PDE8B: variants seen among roughly 807,000 people sequenced by gnomAD.
PDE8B encodes the protein high affinity cAMP-specific and IBMX-insensitive 3',5'-cyclic phosphodiesterase 8B.
A neutral mutation model predicts 101.3 loss-of-function variants in PDE8B; 26 were observed. The ratio of observed to expected loss-of-function variants is 0.26; its 90% CI spans 0.19 to 0.36. The LOEUF is 0.36. Ranked by LOEUF, PDE8B falls within the 10% of genes least tolerant of loss-of-function variation. The probability of loss-of-function intolerance (pLI) is 1.00; values close to 1 mark genes in which losing one functional copy is unlikely to be tolerated. For missense variants in PDE8B, 810 were observed against 1,163.1 expected, an observed-to-expected ratio of 0.70 and a Z score of 4.42; for synonymous variants, 424 against 429.3, an observed-to-expected ratio of 0.99 and a Z score of 0.15.
At chr5:77,090,821 A>T in the PDE8B span, among the ~76,000 whole-genome samples, 1 of 152,128 alleles carries the variant, frequency 6.6e-6, no homozygotes. Flanking sequence ...GTTGATGGAC[A>T]CTTAGATTGT....
the PDE8B span, chr5:77,112,781 C>T: frequency 6.6e-6 from 1 of 152,176 alleles, no homozygotes; most frequent in East Asian, 1.9e-4. Flanking sequence ...TCATCTCAGC[C>T]CAAAATCTCC....
chr5:77,354,491 A>G (rs542318095), intron 10 of PDE8B, among the ~76,000 whole-genome samples: 1 of 152,320 alleles, frequency 6.6e-6, no homozygotes, highest in Middle Eastern at 3.4e-3. Context: ...AAAGGGTTCC[A>G]ACAGACATTT....
chr5:77,262,045 A>G (rs1335224563), intron 1 of PDE8B, among the ~76,000 whole-genome samples: 1 of 152,170 alleles, frequency 6.6e-6, no homozygotes, highest in Non-Finnish European at 1.5e-5. Context: ...GGATACTAAG[A>G]CTTAAAAATA....
chr5:77,233,654 C>CTGTGTGTGTG lies in PDE8B; in HGVS notation c.339+22427_339+22436dup, dbSNP rs72346580. ...TGACAGCCCCCAACCCCCTGAAGCT[C>CTGTGTGTGTG]TGTGTGTGTGTGTGTGTGTGTGTGT... On this transcript the variant is annotated intron_variant, in intron 1 of 21. Transcript: ENST00000264917. Among the ~76,000 whole-genome samples the CTGTGTGTGTG allele has an allele frequency of 5.2e-3, 714 of 138,322 alleles. 9 individuals are homozygous for CTGTGTGTGTG. Among genetic ancestry groups the CTGTGTGTGTG allele is most frequent in the East Asian group, 0.035 (154 of 4,384 alleles). The allele number at this position is 138,322 out of a possible 152,430, so 90.7% of individuals were successfully genotyped here.
At chr5:77,257,783 C>T (rs555521914) in intron 1 of PDE8B, among the ~76,000 whole-genome samples, 5 of 152,074 alleles carry the variant, frequency 3.3e-5, no homozygotes, top group African/African-American at 7.2e-5. Flanking sequence ...TTATTAAGCC[C>T]GGCATGCATT....
intron 10 of PDE8B, among the ~76,000 whole-genome samples, chr5:77,366,897 C>G (rs1027191691): frequency 1.3e-5 from 2 of 152,094 alleles, no homozygotes; most frequent in Non-Finnish European, 2.9e-5. Context: ...ATCAAGGGCG[C>G]TTTGGTCCAG....
At chr5:77,411,771 C>T (rs747251688) in intron 15 of PDE8B, 50 bp downstream of exon 15, 1 of 1,345,768 alleles carries the variant, frequency 7.4e-7, no homozygotes, top group Non-Finnish European at 1.1e-6. Flanking sequence ...CCAGCCTGTG[C>T]TGTCCCCGCT....
chr5:77,283,162 T>C (rs916006598), intron 1 of PDE8B, among the ~76,000 whole-genome samples: 4 of 152,194 alleles, frequency 2.6e-5, no homozygotes, highest in East Asian at 1.9e-4. Context: ...AAAAATAGAC[T>C]TAATTTTTTT....
At chr5:77,260,048 C>T (rs1222466548) in intron 1 of PDE8B, among the ~76,000 whole-genome samples, 1 of 151,216 alleles carries the variant, frequency 6.6e-6, no homozygotes, top group Non-Finnish European at 1.5e-5. Context: ...CCTATAATCC[C>T]AGCTACTTGG....
At chr5:77,107,241 T>A in the PDE8B span, among the ~76,000 whole-genome samples, 1 of 152,224 alleles carries the variant, frequency 6.6e-6, no homozygotes, top group Non-Finnish European at 1.5e-5. Context: ...TCATCCTTTT[T>A]TATGGCTGCA....
Position 77,427,317 on chromosome 5 carries a change from T to C in PDE8B, c.*763T>C, listed in dbSNP as rs1352527937. The stretch of plus-strand genomic sequence containing the variant: ...GGAATCCATGAGCTTCCTTTATTTC[T>C]GGCTCACAGAGGCAGCCACGAGGCA... On this transcript the variant is annotated 3_prime_UTR_variant, in exon 22 of 22. Transcript: ENST00000264917. The C allele has an allele frequency of 6.6e-6, 1 of 152,420 alleles. No homozygotes were observed. The highest frequency in any genetic ancestry group is 1.5e-5 in the Non-Finnish European group (1 of 68,026). The allele number at this position is 152,420 out of a possible 1,614,324, so 9.4% of individuals were successfully genotyped here.
chr5:77,215,708 G>C (rs948984457), intron 1 of PDE8B, among the ~76,000 whole-genome samples: 1 of 152,188 alleles, frequency 6.6e-6, no homozygotes, highest in Admixed American at 6.5e-5. Context: ...AGATTCTGTG[G>C]CACTAAACTG....
chr5:77,152,945 T>C, the PDE8B span, among the ~76,000 whole-genome samples: 1 of 152,168 alleles, frequency 6.6e-6, no homozygotes, highest in Non-Finnish European at 1.5e-5. Flanking sequence ...TGAGTCCCAA[T>C]TGTGAGAGAA....
the PDE8B span, among the ~76,000 whole-genome samples, chr5:77,169,245 G>A: frequency 6.6e-6 from 1 of 152,224 alleles, no homozygotes; most frequent in East Asian, 1.9e-4. Flanking sequence ...TTATTGATAA[G>A]ATGAGAGAGC....
At chr5:77,364,743 G>T (rs901923737) in intron 10 of PDE8B, among the ~76,000 whole-genome samples, 1 of 152,042 alleles carries the variant, frequency 6.6e-6, no homozygotes, top group South Asian at 2.1e-4. Flanking sequence ...CGAGGGTCTG[G>T]GGAGGAAGAA....
intron 1 of PDE8B, among the ~76,000 whole-genome samples, chr5:77,224,946 G>A (rs187651741): frequency 6.2e-4 from 94 of 152,210 alleles, no homozygotes; most frequent in African/African-American, 2.1e-3. Flanking sequence ...AGGCTTGATA[G>A]GATTCAGGTT....
intron 2 of PDE8B, among the ~76,000 whole-genome samples, chr5:77,319,697 T>C (rs1302770900): frequency 5.3e-5 from 8 of 152,164 alleles, no homozygotes; most frequent in African/African-American, 1.9e-4. Flanking sequence ...GCAAAAAGGA[T>C]GAAGATGTCA....
At chr5:77,158,976 G>A in the PDE8B span, among the ~76,000 whole-genome samples, 2 of 152,164 alleles carry the variant, frequency 1.3e-5, no homozygotes, top group Admixed American at 1.3e-4. Flanking sequence ...GAGCATGCAG[G>A]TGAGAGAATG....
chr5:77,407,032 A>C (rs1304858620), intron 12 of PDE8B, among the ~76,000 whole-genome samples: 1 of 152,150 alleles, frequency 6.6e-6, no homozygotes, highest in Non-Finnish European at 1.5e-5. Flanking sequence ...ATGGAACTGC[A>C]AAAGTTGGGT....
Sources: gnomAD v4.1 joint callset for allele counts (sites outside exome capture counted in the v4.1 genomes callset) on GRCh38, gnomAD v4.1.1 for gene constraint, MANE v1.5 for transcripts, NCBI Gene and HGNC (gene_info 2026-07-23, HGNC 2026-07-21) for gene names.